The following NRG2 variants were observed in gnomAD, a reference collection of about 807,000 sequenced individuals.
The protein encoded by NRG2 is pro-neuregulin-2, membrane-bound isoform.
Under a neutral mutation model 73.9 loss-of-function variants are expected in NRG2, and 27 were observed. The ratio of observed to expected loss-of-function variants is 0.37; its 90% CI spans 0.27 to 0.50. The LOEUF (loss-of-function observed/expected upper bound fraction) is 0.50. Among genes scored for constraint, NRG2 ranks in the 20% least tolerant of loss-of-function variants. NRG2 has a pLI of 0.96. For synonymous variants in NRG2, 532 were observed against 541.0 expected (o/e 0.98, Z 0.23); for missense variants, 1,126 against 1,210.1 (o/e 0.93, Z 1.03).
intron 1 of NRG2, among the ~76,000 whole-genome samples, chr5:139,930,158 T>C (rs1380618979): frequency 6.6e-6 from 1 of 152,202 alleles, no homozygotes; most frequent in African/African-American, 2.4e-5. Context: ...GAGGACCAGG[T>C]TTATTGTCTT....
intron 5 of NRG2, among the ~76,000 whole-genome samples, chr5:139,864,681 C>G (rs1762367625): frequency 6.6e-6 from 1 of 151,816 alleles, no homozygotes; most frequent in East Asian, 1.9e-4. Flanking sequence ...ATTTCCAAAC[C>G]CTCAAAACAA....
At chr5:139,943,266 C>T (rs1184776131) in intron 1 of NRG2, among the ~76,000 whole-genome samples, 5 of 152,154 alleles carry the variant, frequency 3.3e-5, no homozygotes, top group Non-Finnish European at 5.9e-5. Context: ...TCTGCCTCAG[C>T]CTCCCGAGTA....
At position 139,887,546 on chromosome 5, in the gene NRG2, G is replaced by T; in HGVS notation, c.701-35C>A. The T allele has an allele frequency of 6.2e-7, 1 of 1,604,732 alleles. No homozygotes were observed. Among genetic ancestry groups the T allele is most frequent in the Non-Finnish European group, 8.5e-7 (1 of 1,173,132 alleles). On this transcript the variant is annotated intron_variant, in intron 1 of 9. Transcript: ENST00000361474. The surrounding 1 kb of genome is among the most constrained non-coding windows in gnomAD (Gnocchi z 4.5). ...ACAAGGCAGGTAGGTGAGCACGGTG[G>T]TGGTAGGGGCAGTGCCAAGCATGAG...
intron 1 of NRG2, among the ~76,000 whole-genome samples, chr5:139,943,534 G>A (rs1753566470): frequency 2.0e-5 from 3 of 152,176 alleles, no homozygotes; most frequent in Admixed American, 1.3e-4. Flanking sequence ...TCTTGTCTGT[G>A]AGCTGGGAAT....
In NRG2 at chr5:139,865,635, GA is replaced by G; in HGVS notation, c.1113-11del. On this transcript the variant is annotated splice_polypyrimidine_tract_variant and intron_variant, in intron 4 of 9. Coordinates refer to ENST00000361474, the MANE Select transcript of NRG2 (RefSeq NM_004883.3). The surrounding 1 kb of genome is among the most constrained non-coding windows in gnomAD (Gnocchi z 5.2). ...GAATCCATTTGGACATCTGGAGAAG[GA>G]AAAGGGGAAAAATCACAGAACAAAC... 2 of 1,601,274 alleles carry G rather than the reference GA, an allele frequency of 1.2e-6. No homozygotes were observed. Among genetic ancestry groups the G allele is most frequent in the Non-Finnish European group, 1.7e-6 (2 of 1,175,736 alleles).
At chr5:139,955,230 T>G (rs1415741830) in intron 1 of NRG2, among the ~76,000 whole-genome samples, 2 of 151,718 alleles carry the variant, frequency 1.3e-5, no homozygotes, top group African/African-American at 4.9e-5. Context: ...AGGGGCAGGG[T>G]CAGTATTGAG....
At position 139,873,297 on chromosome 5, in the gene NRG2, G is replaced by A. The variant is rs765144071; in HGVS notation, c.992-1456C>T. ...AACCCCAGACCCAGCTGGAACCCACGTGCTGGCTGGAACTAGAGACCTCCT... is the reference window on the plus strand; with the variant it reads ...AACCCCAGACCCAGCTGGAACCCACATGCTGGCTGGAACTAGAGACCTCCT... On this transcript the variant is annotated intron_variant, in intron 3 of 9. Coordinates refer to ENST00000361474, the MANE Select transcript of NRG2 (RefSeq NM_004883.3). 5.9e-4 allele frequency among the ~76,000 whole-genome samples: 90 copies of A among 152,254 alleles called. 1 individual carries two copies. Among genetic ancestry groups the A allele is most frequent in the Non-Finnish European group, 1.0e-3 (71 of 68,022 alleles).
chr5:139,863,610 C>T (rs1379430029), intron 5 of NRG2, among the ~76,000 whole-genome samples: 1 of 152,252 alleles, frequency 6.6e-6, no homozygotes, highest in Non-Finnish European at 1.5e-5. Flanking sequence ...GGGAGGCTCT[C>T]TGCCGAGAGG....
At chr5:139,867,303 T>C (rs1762524862) in intron 4 of NRG2, among the ~76,000 whole-genome samples, 1 of 151,956 alleles carries the variant, frequency 6.6e-6, no homozygotes, top group Admixed American at 6.6e-5. Flanking sequence ...TGTCCTGTAG[T>C]GGTAGGAGTG....
At chr5:139,906,228 G>A (rs937194952) in intron 1 of NRG2, among the ~76,000 whole-genome samples, 2 of 151,974 alleles carry the variant, frequency 1.3e-5, no homozygotes, top group East Asian at 1.9e-4. Flanking sequence ...GGCTGGTCTC[G>A]AACTCCTGAC....
rs1030990523 is a variant in NRG2, at chr5:139,868,296, C to A, written c.1113-2671G>T. On this transcript the variant is annotated intron_variant, in intron 4 of 9. Transcript: ENST00000361474. The surrounding 1 kb of genome is among the most constrained non-coding windows in gnomAD (Gnocchi z 4.2). The stretch of plus-strand genomic sequence containing the variant: ...AGAAGGCTTTGGGGGTGAGCTGGGC[C>A]TATAGCCTCTCTAACCTGCACCTAA... 6.6e-6 allele frequency among the ~76,000 whole-genome samples: 1 copy of A among 152,064 alleles called. No homozygotes were observed. The highest frequency in any genetic ancestry group is 1.5e-5 in the Non-Finnish European group (1 of 68,024).
intron 1 of NRG2, among the ~76,000 whole-genome samples, chr5:139,937,950 C>A (rs142852767): frequency 1.4e-4 from 21 of 152,292 alleles, no homozygotes; most frequent in Non-Finnish European, 2.6e-4. Flanking sequence ...AGGTGGTGTG[C>A]ACCTGTAATC....
At chr5:139,890,439 G>A (rs547118122) in intron 1 of NRG2, among the ~76,000 whole-genome samples, 11 of 145,180 alleles carry the variant, frequency 7.6e-5, no homozygotes, top group African/African-American at 1.8e-4. Flanking sequence ...CTTCTTCTTC[G>A]TCTTTTTCTT....
chr5:139,930,356 C>T (rs961587494), intron 1 of NRG2, among the ~76,000 whole-genome samples: 3 of 152,138 alleles, frequency 2.0e-5, no homozygotes, highest in Non-Finnish European at 2.9e-5. Flanking sequence ...CTATAAGGCA[C>T]GGAAAACAAG....
At chr5:139,998,842 G>C (rs1372427838) in intron 1 of NRG2, among the ~76,000 whole-genome samples, 1 of 152,160 alleles carries the variant, frequency 6.6e-6, no homozygotes, top group Non-Finnish European at 1.5e-5. Flanking sequence ...GATAGGAAGA[G>C]GAGTTAAGAC....
Position 139,847,867 on chromosome 5 carries a change from C to T in NRG2, c.*50G>A. On this transcript the variant is annotated 3_prime_UTR_variant, in exon 10 of 10. Transcript: ENST00000361474. ...TTCTCTCCAGTAGGCGGTCTCTGGT[C>T]TCCTTAAAGATAGTGGGGCGGGCGG... 1 of 1,192,054 alleles carries T rather than the reference C, an allele frequency of 8.4e-7. No individual in the cohort carries two copies. Among genetic ancestry groups the T allele is most frequent in the Non-Finnish European group, 1.1e-6 (1 of 923,792 alleles). 73.8% of individuals were successfully genotyped at this position (1,192,054 alleles called of 1,614,324 possible). A position where few individuals can be genotyped will look rare whatever the true frequency, so the allele number is the denominator to read the frequency against.
chr5:139,922,328 G>C (rs1218287215), intron 1 of NRG2, among the ~76,000 whole-genome samples: 1 of 152,040 alleles, frequency 6.6e-6, no homozygotes, highest in East Asian at 1.9e-4. Flanking sequence ...TATACAGATG[G>C]CAAATAAGCA....
intron 5 of NRG2, chr5:139,861,773 C>T (rs574869252): frequency 6.8e-5 from 35 of 515,400 alleles, no homozygotes; most frequent in South Asian, 1.8e-4. Flanking sequence ...AGAACCCTGG[C>T]GCACCTCTCA....
chr5:139,966,601 A>G (rs1755537386), intron 1 of NRG2, among the ~76,000 whole-genome samples: 1 of 152,114 alleles, frequency 6.6e-6, no homozygotes, highest in Non-Finnish European at 1.5e-5. Context: ...AGAAAAGAAG[A>G]TTTCACAAAA....
Sources: allele counts gnomAD v4.1 joint callset (sites outside exome capture counted in the v4.1 genomes callset), GRCh38; gene constraint gnomAD v4.1.1; non-coding constraint Gnocchi (gnomAD v3.1); transcripts MANE v1.5; gene names NCBI Gene and HGNC (gene_info 2026-07-23, HGNC 2026-07-21).